Variants in EVC observed in about 807,000 individuals in gnomAD.
EVC encodes the protein evC complex member EVC.
EVC carries 116 observed loss-of-function variants against 118.9 expected under a neutral mutation model. The observed-to-expected ratio is 0.98, with a 90% CI of 0.84 to 1.14. The LOEUF is 1.14. EVC is among the 50% of genes most tolerant of loss of function. The pLI is 0.00. For synonymous variants in EVC, 619 were observed against 534.7 expected (o/e 1.16, Z -2.18); for missense variants, 1,401 against 1,246.4 (o/e 1.12, Z -1.87).
At chr4:5,750,231 T>G (rs1444940732) in intron 8 of EVC, among the ~76,000 whole-genome samples, 1 of 152,204 alleles carries the variant, frequency 6.6e-6, no homozygotes, top group African/African-American at 2.4e-5. Flanking sequence ...GGATTTCAGT[T>G]TGATAAGGCT....
intron 12 of EVC, among the ~76,000 whole-genome samples, chr4:5,791,791 C>T (rs1712837313): frequency 6.6e-6 from 1 of 152,112 alleles, no homozygotes; most frequent in East Asian, 1.9e-4. Flanking sequence ...TGCCACCATA[C>T]CTGAACACAG....
chr4:5,746,419 G>T lies in EVC; in HGVS notation c.939+1078G>T, dbSNP rs1167760824. Among the ~76,000 whole-genome samples, 1 of 152,204 alleles carries T rather than the reference G, an allele frequency of 6.6e-6. No homozygotes were observed. The highest frequency in any genetic ancestry group is 1.5e-5 in the Non-Finnish European group (1 of 68,038). On this transcript the variant is annotated intron_variant, in intron 7 of 20. Transcript: ENST00000264956. The surrounding 1 kb of genome is among the most constrained non-coding windows in gnomAD (Gnocchi z 5.8). ...GGGAGGAGGAGGGGGTCCAGGGTCAGTGCTGCTGAAATAAGCGCCCCAGAG... is the reference window on the plus strand; with the variant it reads ...GGGAGGAGGAGGGGGTCCAGGGTCATTGCTGCTGAAATAAGCGCCCCAGAG...
chr4:5,789,545 CTT>C lies in EVC; in HGVS notation c.1777-4061_1777-4060del, dbSNP rs1712362162. On this transcript the variant is annotated intron_variant, in intron 12 of 20. Transcript: ENST00000264956. This position sits in a 1 kb window ranked among gnomAD's most constrained non-coding sequence, Gnocchi z 4.3. ...CTGTTTCTAGGAGGACACTAACAAA[CTT>C]TCAGCACATGCTAGGCATCAATCAA... Among the ~76,000 whole-genome samples, 1 of 152,228 alleles carries C rather than the reference CTT, an allele frequency of 6.6e-6. No individual in the cohort carries two copies.
chr4:5,741,577 T>C, intron 5 of EVC, 139 bp from the exon 6 acceptor site: 2 of 593,876 alleles, frequency 3.4e-6, no homozygotes, highest in Non-Finnish European at 6.1e-6. Flanking sequence ...GCAAAAAATA[T>C]ACGTGAAGAG....
At chr4:5,824,485 T>C in the EVC span, 1 of 459,392 alleles carries the variant, frequency 2.2e-6, no homozygotes, top group Non-Finnish European at 2.9e-6. Flanking sequence ...CACGTCATCC[T>C]CTCTCTCTCT....
chr4:5,739,395 G>A (rs1300605319), intron 5 of EVC, among the ~76,000 whole-genome samples: 2 of 152,190 alleles, frequency 1.3e-5, no homozygotes, highest in African/African-American at 4.8e-5. Flanking sequence ...TCTCAGCTCT[G>A]TCGCATGTGG....
chr4:5,769,344 A>C (rs532580239), intron 11 of EVC, among the ~76,000 whole-genome samples: 1 of 152,240 alleles, frequency 6.6e-6, no homozygotes, highest in South Asian at 2.1e-4. Context: ...GTTACCTCCC[A>C]CTGGGCCAGT....
At chr4:5,752,214 C>G (rs966353698) in intron 8 of EVC, among the ~76,000 whole-genome samples, 1 of 152,132 alleles carries the variant, frequency 6.6e-6, no homozygotes, top group African/African-American at 2.4e-5. Flanking sequence ...TACTCTCATT[C>G]CACAAGCAGC....
rs931137643 is a variant in EVC, at chr4:5,813,808, C to G, written c.*2771C>G. On this transcript the variant is annotated 3_prime_UTR_variant, in exon 21 of 21. Transcript: ENST00000264956. ...TTAGCCAAAGGGAACGTGTCATTTG[C>G]TCGACCCTGGCCCACCCTTGCCGCC... is the stretch of plus-strand genomic sequence containing the variant. 7.9e-5 allele frequency: 12 copies of G among 152,202 alleles called. No individual in the cohort carries two copies. Among genetic ancestry groups the G allele is most frequent in the Admixed American group, 3.9e-4 (6 of 15,276 alleles). The allele number at this position is 152,202 out of a possible 1,614,324, so 9.4% of individuals were successfully genotyped here.
intron 11 of EVC, among the ~76,000 whole-genome samples, chr4:5,779,848 A>G (rs1449869153): frequency 1.4e-5 from 2 of 143,962 alleles, no homozygotes; most frequent in East Asian, 2.0e-4. Context: ...TCTCCTGCCT[A>G]ATTGCCCTGG....
chr4:5,810,728 G>A (rs2152395683), intron 20 of EVC, among the ~76,000 whole-genome samples: 1 of 152,288 alleles, frequency 6.6e-6, no homozygotes, highest in East Asian at 1.9e-4. Flanking sequence ...GAAGTGTTGG[G>A]CAGTCCCTTC....
the EVC span, chr4:5,825,522 G>A: frequency 5.1e-6 from 8 of 1,578,740 alleles, no homozygotes; most frequent in South Asian, 7.0e-5. The surrounding 1 kb of genome is among the most constrained non-coding windows in gnomAD (Gnocchi z 4.4). Context: ...ACTGGTGGAG[G>A]TTTCTGATGG....
the EVC span, chr4:5,824,425 G>C: frequency 1.0e-6 from 1 of 985,336 alleles, no homozygotes; most frequent in Non-Finnish European, 1.2e-6. Flanking sequence ...CACTGAATCA[G>C]ACACTTCCTG....
chr4:5,772,817 TC>T (rs1734191133), intron 11 of EVC, among the ~76,000 whole-genome samples: 1 of 152,118 alleles, frequency 6.6e-6, no homozygotes, highest in African/African-American at 2.4e-5. Context: ...GGTGCACTTG[TC>T]CCTCCCACCC....
In EVC at chr4:5,719,443, GT is replaced by G; in HGVS notation, c.300+71del. 1 of 1,609,860 alleles carries G rather than the reference GT, an allele frequency of 6.2e-7. No homozygotes were observed. The highest frequency in any genetic ancestry group is 2.2e-5 in the East Asian group (1 of 44,828). ...GTGGGGTATTCCCCCTGGAAGCCGG[GT>G]GTCATGTAGACAAGCCTCTGACAGA... On this transcript the variant is annotated intron_variant, in intron 2 of 20. Coordinates refer to ENST00000264956, the MANE Select transcript of EVC (RefSeq NM_153717.3). This position sits in a 1 kb window ranked among gnomAD's most constrained non-coding sequence, Gnocchi z 4.7.
In EVC at chr4:5,810,468, A is replaced by G. The variant is rs2279250; in HGVS notation, c.2894+18A>G. On this transcript the variant is annotated intron_variant, in intron 20 of 20. Transcript: ENST00000264956. ...TCACTCAGGTATGACTGGGCCCCGG[A>G]CCTGTTGCCTGTGGCTGGGTTTGGT... The G allele has an allele frequency of 0.73, 1,155,855 of 1,588,286 alleles. 422,125 individuals are homozygous for G. Among genetic ancestry groups the G allele is most frequent in the South Asian group, 0.83 (73,118 of 87,578 alleles).
At chr4:5,782,573 G>A (rs1333727362) in intron 11 of EVC, among the ~76,000 whole-genome samples, 2 of 142,706 alleles carry the variant, frequency 1.4e-5, no homozygotes, top group African/African-American at 2.6e-5. Context: ...AAAAAGATGT[G>A]AGCGGTGGAT....
intron 5 of EVC, among the ~76,000 whole-genome samples, chr4:5,734,422 T>A (rs1727344828): frequency 6.6e-6 from 1 of 152,080 alleles, no homozygotes; most frequent in Non-Finnish European, 1.5e-5. Flanking sequence ...GGAGGATTGC[T>A]TAAGCCCAGG....
chr4:5,719,800 A>G lies in EVC; in HGVS notation c.300+427A>G, dbSNP rs1724643585. On this transcript the variant is annotated intron_variant, in intron 2 of 20. Transcript: ENST00000264956. The surrounding 1 kb of genome is among the most constrained non-coding windows in gnomAD (Gnocchi z 4.7). ...TGTTTCCCTTTCGTTGTGTGTATCAATAATTCACCCATTTTTATTGCTCAG... is the reference window on the plus strand; with the variant it reads ...TGTTTCCCTTTCGTTGTGTGTATCAGTAATTCACCCATTTTTATTGCTCAG... Among the ~76,000 whole-genome samples the G allele has an allele frequency of 6.6e-6, 1 of 152,178 alleles. No individual in the cohort carries two copies. The highest frequency in any genetic ancestry group is 6.5e-5 in the Admixed American group (1 of 15,280).
Sources: allele counts gnomAD v4.1 joint callset (sites outside exome capture counted in the v4.1 genomes callset), GRCh38; gene constraint gnomAD v4.1.1; non-coding constraint Gnocchi (gnomAD v3.1); transcripts MANE v1.5; gene names NCBI Gene and HGNC (gene_info 2026-07-23, HGNC 2026-07-21).